NXPE3: variants seen among roughly 807,000 people sequenced by gnomAD.
NXPE3 encodes neurexophilin and PC-esterase domain family member 3, also known as NXPE family member 3.
In NXPE3, 26 loss-of-function variants were observed where a neutral mutation model predicts 46.1. The ratio of observed to expected loss-of-function variants is 0.56; its 90% CI spans 0.41 to 0.78. The LOEUF (loss-of-function observed/expected upper bound fraction) is 0.78, where lower values mean the gene tolerates loss of function less well. Among genes scored for constraint, NXPE3 ranks in the 30% least tolerant of loss-of-function variants. The pLI is 0.00. For missense variants in NXPE3, 620 were observed against 686.0 expected, an observed-to-expected ratio of 0.90 and a Z score of 1.07; for synonymous variants, 272 against 257.9, an observed-to-expected ratio of 1.05 and a Z score of -0.52.
chr3:101,821,992 AC>A lies in NXPE3; in HGVS notation c.*40del, dbSNP rs1942280740. 1 of 1,576,100 alleles carries A rather than the reference AC, an allele frequency of 6.3e-7. No homozygotes were observed. The highest frequency in any genetic ancestry group is 8.7e-7 in the Non-Finnish European group (1 of 1,152,672). On this transcript the variant is annotated 3_prime_UTR_variant, in exon 8 of 8. Transcript: ENST00000273347. ...GGGACTGGAGGAATCATATTCAATGACCTTCTCAATTGACCTGAGTTACAGA... is the reference window on the plus strand; with the variant it reads ...GGGACTGGAGGAATCATATTCAATGACTTCTCAATTGACCTGAGTTACAGA...
chr3:101,812,947 T>C (rs960894219), intron 6 of NXPE3, among the ~76,000 whole-genome samples: 15 of 151,374 alleles, frequency 9.9e-5, no homozygotes, highest in African/African-American at 3.6e-4. Context: ...ACTGCAGAGG[T>C]TTTAGGGGAC....
At chr3:101,814,908 G>T (rs536965834) in intron 6 of NXPE3, among the ~76,000 whole-genome samples, 75 of 152,298 alleles carry the variant, frequency 4.9e-4, no homozygotes, top group African/African-American at 1.7e-3. Flanking sequence ...TGCTGGCTTT[G>T]CTCCTTACTA....
intron 6 of NXPE3, 46 bp downstream of exon 6, chr3:101,807,172 C>T: frequency 7.0e-7 from 1 of 1,427,360 alleles, no homozygotes; most frequent in Non-Finnish European, 9.9e-7. Flanking sequence ...TTCTTACTAA[C>T]TGGGTTGAGG....
chr3:101,785,640 T>C lies in NXPE3; in HGVS notation c.44T>C (p.Leu15Pro). ...FFKLRLFCCL[L>P]AVLMVVVLVI... ...AAACTACGGCTTTTCTGCTGTCTGC[T>C]TGCAGTGTTGATGGTGGTGGTGCTG... Residue 15 changes from leucine (L) to proline (P), a missense_variant, in exon 4 of 8, where the codon CTT becomes CCT. Leu to Pro is a moderately conservative substitution (Grantham distance 98). Coordinates refer to ENST00000273347, the MANE Select transcript of NXPE3 (RefSeq NM_145037.4). 6.2e-7 allele frequency: 1 copy of C among 1,614,094 alleles called. No homozygotes were observed. The highest frequency in any genetic ancestry group is 8.5e-7 in the Non-Finnish European group (1 of 1,179,988).
chr3:101,820,057 C>A (rs539336936), intron 7 of NXPE3, among the ~76,000 whole-genome samples: 41 of 152,260 alleles, frequency 2.7e-4, no homozygotes, highest in African/African-American at 9.4e-4. Flanking sequence ...TAGTTTCATC[C>A]ATGTTGTTAC....
chr3:101,789,013 C>T (rs920580951), intron 4 of NXPE3, among the ~76,000 whole-genome samples: 3 of 152,160 alleles, frequency 2.0e-5, no homozygotes, highest in African/African-American at 4.8e-5. Context: ...TCTTATTACT[C>T]CTGATCACTC....
chr3:101,818,732 TATATATATATATATATATA>T (rs1560067194), intron 7 of NXPE3, among the ~76,000 whole-genome samples: 7 of 29,682 alleles, frequency 2.4e-4, no homozygotes, highest in African/African-American at 8.4e-4. Flanking sequence ...TATATATATA[TATATATATATATATATATA>T]TATTTTTTTT....
chr3:101,790,078 C>A (rs895020566), intron 4 of NXPE3, among the ~76,000 whole-genome samples: 1 of 152,048 alleles, frequency 6.6e-6, no homozygotes, highest in Non-Finnish European at 1.5e-5. Flanking sequence ...CATTTAATTC[C>A]CCTGAGAGCA....
chr3:101,818,824 G>GGT (rs1456034138), intron 7 of NXPE3, among the ~76,000 whole-genome samples: 1 of 125,468 alleles, frequency 8.0e-6, no homozygotes, highest in African/African-American at 3.1e-5. Flanking sequence ...GGAGTGCAGT[G>GGT]GTGTGATCTC....
At chr3:101,783,019 CA>C (rs983370466) in intron 3 of NXPE3, among the ~76,000 whole-genome samples, 2 of 152,020 alleles carry the variant, frequency 1.3e-5, no homozygotes, top group Non-Finnish European at 2.9e-5. Flanking sequence ...AAGGAGAAAA[CA>C]AAAACTGCCA....
rs201325874 is a variant in NXPE3, at chr3:101,821,719, G to A, written c.1445G>A (p.Arg482Gln). 3.7e-6 allele frequency: 6 copies of A among 1,614,196 alleles called. No homozygotes were observed. The highest frequency in any genetic ancestry group is 1.7e-5 in the Admixed American group (1 of 60,028). The change falls in exon 8 of 8, where the codon CGG (arginine) becomes CAG (glutamine). Residue 482 changes from arginine (R) to glutamine (Q), a missense_variant. By Grantham distance (43) the Arg-to-Gln change is conservative. Coordinates refer to ENST00000273347, the MANE Select transcript of NXPE3 (RefSeq NM_145037.4). ...DRSPKTVVVI[R>Q]TANAQELGPE... is the part of the protein sequence containing the mutation. ...AGCCCAAAGACCGTGGTGGTCATCC[G>A]GACGGCCAACGCCCAAGAGCTGGGA...
At position 101,807,098 on chromosome 3, in the gene NXPE3, G is replaced by T. The variant is rs1316823626; in HGVS notation, c.894G>T (p.Trp298Cys). ...KMPVNSSGPD[W>C]VTVIPRRIKE... is the part of the protein sequence containing the mutation. ...CAGTCAACTCCAGTGGACCTGATTG[G>T]GTAACTGTGATTCCCAGGAGAATAA... Residue 298 changes from tryptophan to cysteine, a missense_variant, in exon 6 of 8, where the codon TGG becomes TGT. By Grantham distance (215) the Trp-to-Cys change is radical. Coordinates refer to ENST00000273347, the MANE Select transcript of NXPE3 (RefSeq NM_145037.4). The T allele has an allele frequency of 1.9e-6, 3 of 1,613,124 alleles. No homozygotes were observed. The highest frequency in any genetic ancestry group is 4.5e-5 in the East Asian group (2 of 44,846).
In NXPE3 at chr3:101,828,134, CAATT is replaced by C. The variant is rs1194791758; in HGVS notation, c.*6181_*6184del. The C allele has an allele frequency of 6.6e-6, 1 of 152,188 alleles. No homozygotes were observed. Among genetic ancestry groups the C allele is most frequent in the Non-Finnish European group, 1.5e-5 (1 of 68,032 alleles). The allele number at this position is 152,188 out of a possible 1,614,324, so 9.4% of individuals were successfully genotyped here. On this transcript the variant is annotated 3_prime_UTR_variant, in exon 8 of 8. Transcript: ENST00000273347. ...TATTATCGCTGATTACAGCTGGAAA[CAATT>C]GATTTGCTCTTACGTATTTGTGTGA... is the stretch of plus-strand genomic sequence containing the variant.
intron 4 of NXPE3, among the ~76,000 whole-genome samples, chr3:101,797,497 A>G (rs1410986728): frequency 1.4e-5 from 2 of 140,444 alleles, no homozygotes; most frequent in Non-Finnish European, 3.1e-5. Context: ...ATATGTATAC[A>G]TGTGCCATGC....
chr3:101,790,085 A>G lies in NXPE3; in HGVS notation c.93+4396A>G, dbSNP rs1940414056. Among the ~76,000 whole-genome samples, 3 of 152,196 alleles carry G rather than the reference A, an allele frequency of 2.0e-5. No individual in the cohort carries two copies. The South Asian group carries it at 6.2e-4, about 32-fold the overall frequency. ...TGATTCCTCATTTAATTCCCCTGAGAGCATACTTTGTATTACTTGAATTCT... is the reference window on the plus strand; with the variant it reads ...TGATTCCTCATTTAATTCCCCTGAGGGCATACTTTGTATTACTTGAATTCT... On this transcript the variant is annotated intron_variant, in intron 4 of 7. Coordinates refer to ENST00000273347, the MANE Select transcript of NXPE3 (RefSeq NM_145037.4).
intron 6 of NXPE3, among the ~76,000 whole-genome samples, chr3:101,807,776 A>G (rs940516554): frequency 3.9e-5 from 6 of 152,200 alleles, no homozygotes; most frequent in African/African-American, 1.4e-4. Context: ...AAAATTCAAA[A>G]TCTAGTTATT....
chr3:101,785,006 G>A (rs973202280), intron 3 of NXPE3, among the ~76,000 whole-genome samples: 1 of 152,148 alleles, frequency 6.6e-6, no homozygotes, highest in African/African-American at 2.4e-5. Flanking sequence ...TCCTCTTCAT[G>A]TTCTTTAAGT....
rs148943901 is a variant in NXPE3 at position 101,789,201 on chromosome 3, C to A, written c.93+3512C>A. On this transcript the variant is annotated intron_variant, in intron 4 of 7. Transcript: ENST00000273347. Reference sequence around the variant, plus strand: ...AGTTTCTTAAAGTGATAGCTAAAGTCATTGTTTTGAGATCTTTCTTTTCTA... The same window carrying A: ...AGTTTCTTAAAGTGATAGCTAAAGTAATTGTTTTGAGATCTTTCTTTTCTA... Among the ~76,000 whole-genome samples, 504 of 152,146 alleles carry A rather than the reference C, an allele frequency of 3.3e-3. 3 individuals are homozygous for A. The highest frequency in any genetic ancestry group is 0.012 in the African/African-American group (489 of 41,494).
In NXPE3 at chr3:101,825,308, T is replaced by A. The variant is rs1393013255; in HGVS notation, c.*3354T>A. The A allele has an allele frequency of 6.6e-6, 1 of 152,248 alleles. No homozygotes were observed. Among genetic ancestry groups the A allele is most frequent in the Non-Finnish European group, 1.5e-5 (1 of 68,048 alleles). 9.4% of individuals were successfully genotyped at this position (152,248 alleles called of 1,614,324 possible). On this transcript the variant is annotated 3_prime_UTR_variant, in exon 8 of 8. Coordinates refer to ENST00000273347, the MANE Select transcript of NXPE3 (RefSeq NM_145037.4). The stretch of plus-strand genomic sequence containing the variant: ...CTGGTGTGGAAATTTTGATAGAGAT[T>A]CCAATATCACTTAAACGTTTCCCAG...
Sources: allele counts gnomAD v4.1 joint callset (sites outside exome capture counted in the v4.1 genomes callset), GRCh38; gene constraint gnomAD v4.1.1; transcripts MANE v1.5; gene names NCBI Gene and HGNC (gene_info 2026-07-23, HGNC 2026-07-21).